PNPT1: variants seen among roughly 807,000 people sequenced by gnomAD.
PNPT1 encodes polyribonucleotide nucleotidyltransferase 1, also known as polyribonucleotide nucleotidyltransferase 1, mitochondrial.
Under a neutral mutation model 119.5 loss-of-function variants are expected in PNPT1, and 53 were observed. The observed-to-expected ratio is 0.44, with a 90% CI of 0.36 to 0.56. The LOEUF (loss-of-function observed/expected upper bound fraction) is 0.56, where lower values mean the gene tolerates loss of function less well. Ranked by LOEUF, PNPT1 falls within the 20% of genes least tolerant of loss-of-function variation. The pLI, the probability that PNPT1 is intolerant of heterozygous loss-of-function variation, is 0.00. For synonymous variants in PNPT1, 357 were observed against 322.1 expected, an observed-to-expected ratio of 1.11 and a Z score of -1.16; for missense variants, 948 against 938.5, an observed-to-expected ratio of 1.01 and a Z score of -0.13.
chr2:55,636,164 C>T lies in PNPT1; in HGVS notation c.*73G>A. The T allele has an allele frequency of 1.9e-6, 2 of 1,079,062 alleles. No individual in the cohort carries two copies. The highest frequency in any genetic ancestry group is 5.0e-5 in the East Asian group (2 of 39,812). The allele number at this position is 1,079,062 out of a possible 1,614,324, so 66.8% of individuals were successfully genotyped here. On this transcript the variant is annotated 3_prime_UTR_variant, in exon 28 of 28. Transcript: ENST00000447944. ...ATAGAAATCTACACAATGGAAGATACTACTAAAATGTTGCTCTACAGCACA... is the reference window on the plus strand; with the variant it reads ...ATAGAAATCTACACAATGGAAGATATTACTAAAATGTTGCTCTACAGCACA...
At chr2:55,667,563 G>A (rs1281090989) in intron 12 of PNPT1, among the ~76,000 whole-genome samples, 2 of 150,432 alleles carry the variant, frequency 1.3e-5, no homozygotes, top group Non-Finnish European at 2.9e-5. Flanking sequence ...TCCAGCCTGG[G>A]TGACAGAGCG....
chr2:55,687,043 A>T (rs1391767629), intron 2 of PNPT1, among the ~76,000 whole-genome samples: 1 of 151,554 alleles, frequency 6.6e-6, no homozygotes, highest in Non-Finnish European at 1.5e-5. Context: ...TGAAACCTCG[A>T]CTCTACTAAA....
chr2:55,654,226 C>T (rs1035653214), intron 18 of PNPT1, among the ~76,000 whole-genome samples: 1 of 142,104 alleles, frequency 7.0e-6, no homozygotes, highest in Non-Finnish European at 1.5e-5. Flanking sequence ...CACTGCACTT[C>T]AGCCTGGACA....
intron 25 of PNPT1, 107 bp from the exon 26 acceptor site, chr2:55,640,812 AAC>A: frequency 1.4e-6 from 1 of 730,336 alleles, no homozygotes. Flanking sequence ...AACGAAAAGA[AAC>A]AATTCTAGCA....
intron 18 of PNPT1, among the ~76,000 whole-genome samples, chr2:55,652,211 CTG>C (rs1559092986): frequency 6.6e-6 from 1 of 152,032 alleles, no homozygotes; most frequent in African/African-American, 2.4e-5. Context: ...TTTTCAAAAA[CTG>C]GGTACAATTT....
chr2:55,656,261 GTC>G, intron 16 of PNPT1, 41 bp from the exon 17 acceptor site: 1 of 1,611,334 alleles, frequency 6.2e-7, no homozygotes, highest in Non-Finnish European at 8.5e-7. Context: ...AATGTATTAA[GTC>G]TCTGTAAGAA....
rs756023267 is a variant in PNPT1 at position 55,636,356 on chromosome 2, T to C, written c.2233A>G (p.Met745Val). 4.3e-6 allele frequency: 7 copies of C among 1,614,136 alleles called. No individual in the cohort carries two copies. The highest frequency in any genetic ancestry group is 5.9e-6 in the Non-Finnish European group (7 of 1,180,012). The change falls in exon 28 of 28, where the codon ATG (methionine) becomes GTG (valine). Residue 745 changes from methionine (M) to valine (V), a missense_variant. Transcript: ENST00000447944. Reference sequence around the variant, plus strand: ...TGAAGCACTTTTCGAGAAAGCCTCATTCTTCCATCGGCTGGGTCACGTCCA... The same window carrying C: ...TGAAGCACTTTTCGAGAAAGCCTCACTCTTCCATCGGCTGGGTCACGTCCA... ...YFGRDPADGR[M>V]RLSRKVLQSP...
rs1219990383 is a variant in PNPT1, at chr2:55,643,172, T to C, written c.2055A>G (p.Thr685=). Residue 685 remains threonine (T), a synonymous_variant, in exon 25 of 28, where the codon ACA becomes ACG. Coordinates refer to ENST00000447944, the MANE Select transcript of PNPT1 (RefSeq NM_033109.5). ...QLEFGAVYTA[T]ITEIRDTGVM... ...CTTGATATTACCTGATTTCAGTTAT[T>C]GTGGCGGTATATACTGCTCCAAATT... is the stretch of plus-strand genomic sequence containing the variant. 18 of 1,614,148 alleles carry C rather than the reference T, an allele frequency of 1.1e-5. 1 individual carries two copies. Among genetic ancestry groups the C allele is most frequent in the South Asian group, 2.2e-5 (2 of 91,082 alleles).
intron 1 of PNPT1, among the ~76,000 whole-genome samples, chr2:55,688,769 A>C (rs782578): frequency 0.43 from 65,061 of 150,002 alleles, 14,845 homozygotes; most frequent in Non-Finnish European, 0.5. Context: ...ACAACAACAA[A>C]AAACTTTAGA....
chr2:55,689,879 T>C (rs1697536555), intron 1 of PNPT1, among the ~76,000 whole-genome samples: 1 of 152,224 alleles, frequency 6.6e-6, no homozygotes, highest in Non-Finnish European at 1.5e-5. Flanking sequence ...TGGAGTGCCG[T>C]GGTGCCATCT....
intron 8 of PNPT1, among the ~76,000 whole-genome samples, chr2:55,677,596 C>CAAAAAA (rs70954146): frequency 1.2e-4 from 4 of 33,498 alleles, no homozygotes; most frequent in Non-Finnish European, 1.5e-4. Flanking sequence ...GACTATGTCT[C>CAAAAAA]AAAAAAAAAA....
Position 55,643,338 on chromosome 2 carries a change from G to C in PNPT1, c.1994C>G (p.Thr665Ser), listed in dbSNP as rs1185019622. Reference sequence around the variant, plus strand: ...ACTTACATCATCCTTGCAGATTTCAGTAATGAAGTCTCTTGCCTCATGCAT... The same window carrying C: ...ACTTACATCATCCTTGCAGATTTCACTAATGAAGTCTCTTGCCTCATGCAT... ...SAMHEARDFI[T>S]EICKDDQEQQ... Residue 665 changes from threonine to serine, a missense_variant, in exon 24 of 28, where the codon ACT (threonine) becomes AGT (serine). Physicochemically the swap from Thr to Ser is moderately conservative, Grantham distance 58. Transcript: ENST00000447944. The C allele has an allele frequency of 6.2e-7, 1 of 1,613,972 alleles. No individual in the cohort carries two copies. Among genetic ancestry groups the C allele is most frequent in the East Asian group, 2.2e-5 (1 of 44,888 alleles).
chr2:55,641,890 G>C (rs1482034986), intron 25 of PNPT1, among the ~76,000 whole-genome samples: 3 of 150,218 alleles, frequency 2.0e-5, no homozygotes, highest in African/African-American at 7.4e-5. Context: ...CGCCCAGGCT[G>C]GAGTGCAGTG....
chr2:55,660,643 C>G (rs1167920114), intron 14 of PNPT1, among the ~76,000 whole-genome samples: 1 of 152,096 alleles, frequency 6.6e-6, no homozygotes, highest in Non-Finnish European at 1.5e-5. Flanking sequence ...ATCTAAAAAC[C>G]AAACTCCTTC....
chr2:55,682,871 C>T (rs1265929774), intron 5 of PNPT1, among the ~76,000 whole-genome samples: 1 of 151,970 alleles, frequency 6.6e-6, no homozygotes, highest in African/African-American at 2.4e-5. Flanking sequence ...ATCATGCCAA[C>T]TGTACTCCAG....
intron 3 of PNPT1, among the ~76,000 whole-genome samples, chr2:55,685,471 T>C (rs1212147465): frequency 6.6e-6 from 1 of 151,832 alleles, no homozygotes; most frequent in Non-Finnish European, 1.5e-5. Context: ...GAGGCTGCAG[T>C]GAACTATGAT....
chr2:55,654,282 T>C (rs1368281437), intron 18 of PNPT1, among the ~76,000 whole-genome samples: 1 of 149,452 alleles, frequency 6.7e-6, no homozygotes, highest in African/African-American at 2.5e-5. Flanking sequence ...AAAAATCTCC[T>C]AGCATAATGC....
chr2:55,647,312 C>A, intron 19 of PNPT1, 35 bp downstream of exon 19: 1 of 1,460,242 alleles, frequency 6.8e-7, no homozygotes, highest in South Asian at 1.3e-5. Context: ...TTTTAGTCTT[C>A]ATTATTAAAT....
rs911807935 is a variant in PNPT1 at position 55,681,795 on chromosome 2, G to T, written c.454-877C>A. Among the ~76,000 whole-genome samples the T allele has an allele frequency of 5.6e-5, 8 of 142,418 alleles. No individual in the cohort carries two copies. In the East Asian group the frequency reaches 8.3e-4, roughly 15 times the overall value. 93.4% of individuals were successfully genotyped at this position (142,418 alleles called of 152,430 possible). ...GGAGGCAGAGGTTTCAGTGAGCTGAGATCGCGCCATTGGTCTCCAGCCTGG... is the reference window on the plus strand; with the variant it reads ...GGAGGCAGAGGTTTCAGTGAGCTGATATCGCGCCATTGGTCTCCAGCCTGG... On this transcript the variant is annotated intron_variant, in intron 5 of 27. Coordinates refer to ENST00000447944, the MANE Select transcript of PNPT1 (RefSeq NM_033109.5).
Sources: gnomAD v4.1 joint callset for allele counts (sites outside exome capture counted in the v4.1 genomes callset) on GRCh38, gnomAD v4.1.1 for gene constraint, MANE v1.5 for transcripts, NCBI Gene and HGNC (gene_info 2026-07-23, HGNC 2026-07-21) for gene names.